CYP7B1: variants seen among roughly 807,000 people sequenced by gnomAD.
CYP7B1 encodes cytochrome P450 family 7 subfamily B member 1, also known as cytochrome P450 7B1.
Under a neutral mutation model 42.7 loss-of-function variants are expected in CYP7B1, and 29 were observed. The ratio of observed to expected loss-of-function variants is 0.68; its 90% CI spans 0.51 to 0.93. CYP7B1 has a LOEUF of 0.93. Ranked by LOEUF, CYP7B1 falls within the 40% of genes least tolerant of loss-of-function variation. The pLI is 0.00. For synonymous variants in CYP7B1, 235 were observed against 218.2 expected (o/e 1.08, Z -0.68); for missense variants, 655 against 600.5 (o/e 1.09, Z -0.95).
intron 1 of CYP7B1, among the ~76,000 whole-genome samples, chr8:64,746,864 T>C (rs561721539): frequency 6.6e-6 from 1 of 152,182 alleles, no homozygotes; most frequent in South Asian, 2.1e-4. Flanking sequence ...AACTACCTTC[T>C]GTGGAATGTA....
chr8:64,622,631 A>G (rs1484886689), intron 2 of CYP7B1, among the ~76,000 whole-genome samples: 2 of 152,182 alleles, frequency 1.3e-5, no homozygotes, highest in Non-Finnish European at 2.9e-5. Context: ...AAAAGAAGAA[A>G]AGTGGAAAGT....
chr8:64,694,726 A>C (rs1029727770), intron 1 of CYP7B1, among the ~76,000 whole-genome samples: 17 of 152,324 alleles, frequency 1.1e-4, no homozygotes, highest in Admixed American at 8.5e-4. Context: ...ATCCAAAAAA[A>C]TTGGAAGGAA....
chr8:64,662,921 G>C (rs1431334978), intron 1 of CYP7B1, among the ~76,000 whole-genome samples: 1 of 152,140 alleles, frequency 6.6e-6, no homozygotes, highest in East Asian at 1.9e-4. Context: ...CCTGACCTCT[G>C]ACAATCTATG....
At chr8:64,625,472 C>T (rs1031070208) in intron 1 of CYP7B1, among the ~76,000 whole-genome samples, 2 of 152,192 alleles carry the variant, frequency 1.3e-5, no homozygotes, top group Admixed American at 1.3e-4. Flanking sequence ...ATATAATTTA[C>T]TCTATGAAAT....
At chr8:64,766,189 G>A (rs551541076) in intron 1 of CYP7B1, among the ~76,000 whole-genome samples, 6 of 152,278 alleles carry the variant, frequency 3.9e-5, no homozygotes, top group African/African-American at 1.4e-4. Context: ...TAACTTGCGT[G>A]CTAGAAGGAC....
intron 1 of CYP7B1, among the ~76,000 whole-genome samples, chr8:64,704,638 T>C (rs192420829): frequency 3.3e-5 from 5 of 152,166 alleles, no homozygotes; most frequent in Admixed American, 1.3e-4. Context: ...AAGACTGCTC[T>C]AACATCAAAG....
chr8:64,684,843 T>C (rs2129632041), intron 1 of CYP7B1, among the ~76,000 whole-genome samples: 1 of 152,304 alleles, frequency 6.6e-6, no homozygotes, highest in Non-Finnish European at 1.5e-5. Flanking sequence ...TTGACATCAT[T>C]AGACATTTGG....
intron 1 of CYP7B1, among the ~76,000 whole-genome samples, chr8:64,737,841 C>A (rs1350719704): frequency 1.3e-5 from 2 of 152,142 alleles, no homozygotes; most frequent in Non-Finnish European, 2.9e-5. Flanking sequence ...TTGTGCATAG[C>A]CAACAGGTTA....
intron 1 of CYP7B1, among the ~76,000 whole-genome samples, chr8:64,756,824 C>A (rs893467857): frequency 3.3e-5 from 5 of 152,158 alleles, no homozygotes; most frequent in Admixed American, 6.5e-5. Context: ...TGTTTCTGAT[C>A]GCCAGAGAAA....
Position 64,596,381 on chromosome 8 carries a change from G to T in CYP7B1, c.*261C>A, listed in dbSNP as rs1805116435. 2.8e-6 allele frequency: 1 copy of T among 355,794 alleles called. No homozygotes were observed. Among genetic ancestry groups the T allele is most frequent in the Non-Finnish European group, 5.2e-6 (1 of 192,044 alleles). 22.0% of individuals were successfully genotyped at this position (355,794 alleles called of 1,614,324 possible). A position where few individuals can be genotyped will look rare whatever the true frequency, so the allele number is the denominator to read the frequency against. ...TATAACAGGTGAAAATCACAACAAG[G>T]AGAAACTAAAAAAACAACAACAACC... is the stretch of plus-strand genomic sequence containing the variant. On this transcript the variant is annotated 3_prime_UTR_variant, in exon 6 of 6. Coordinates refer to ENST00000310193, the MANE Select transcript of CYP7B1 (RefSeq NM_004820.5).
At chr8:64,753,559 A>G (rs574363858) in intron 1 of CYP7B1, among the ~76,000 whole-genome samples, 1 of 152,328 alleles carries the variant, frequency 6.6e-6, no homozygotes, top group South Asian at 2.1e-4. Flanking sequence ...ACGCAAAAGG[A>G]AGGAATACGT....
At chr8:64,743,999 C>G (rs1215144921) in intron 1 of CYP7B1, among the ~76,000 whole-genome samples, 1 of 152,146 alleles carries the variant, frequency 6.6e-6, no homozygotes, top group Non-Finnish European at 1.5e-5. Flanking sequence ...CAAAATATCA[C>G]TTACTAAAAC....
chr8:64,705,517 CAA>C (rs199664304), intron 1 of CYP7B1, among the ~76,000 whole-genome samples: 1 of 135,198 alleles, frequency 7.4e-6, no homozygotes, highest in African/African-American at 2.7e-5. Context: ...AAGTCCATGC[CAA>C]AAAAAAAAAA....
At chr8:64,656,146 T>C (rs1360940805) in intron 1 of CYP7B1, among the ~76,000 whole-genome samples, 1 of 152,134 alleles carries the variant, frequency 6.6e-6, no homozygotes, top group African/African-American at 2.4e-5. Flanking sequence ...CTTCACGTGT[T>C]TAGTTCCAAA....
chr8:64,737,738 G>C (rs990283567), intron 1 of CYP7B1, among the ~76,000 whole-genome samples: 14 of 152,126 alleles, frequency 9.2e-5, no homozygotes, highest in Non-Finnish European at 4.4e-5. Flanking sequence ...AGAATTTCAG[G>C]TTTGCTGACT....
At chr8:64,679,486 C>G (rs1410779121) in intron 1 of CYP7B1, among the ~76,000 whole-genome samples, 1 of 152,156 alleles carries the variant, frequency 6.6e-6, no homozygotes, top group Admixed American at 6.5e-5. Context: ...GCAAAAGGCT[C>G]AAGTCAGTAA....
chr8:64,735,900 C>T (rs1335836475), intron 1 of CYP7B1, among the ~76,000 whole-genome samples: 1 of 152,054 alleles, frequency 6.6e-6, no homozygotes. Context: ...TCTTCCCCTA[C>T]AATACTAATA....
chr8:64,691,290 TATC>T (rs1360450164), intron 1 of CYP7B1, among the ~76,000 whole-genome samples: 1 of 152,114 alleles, frequency 6.6e-6, no homozygotes, highest in African/African-American at 2.4e-5. Flanking sequence ...AGTGATCACT[TATC>T]AGCTCTTCCA....
rs919732051 is a variant in CYP7B1, at chr8:64,793,249, C to T, written c.122+5217G>A. 3.7e-4 allele frequency among the ~76,000 whole-genome samples: 57 copies of T among 152,134 alleles called. 1 individual carries two copies. The highest frequency in any genetic ancestry group is 1.5e-5 in the Non-Finnish European group (1 of 68,016). Reference sequence around the variant, plus strand: ...TCATATTTTCTGTAAATACTTTCCCCTCTTCATTATAAATCTTTTAATTCT... The same window carrying T: ...TCATATTTTCTGTAAATACTTTCCCTTCTTCATTATAAATCTTTTAATTCT... On this transcript the variant is annotated intron_variant, in intron 1 of 5. Coordinates refer to ENST00000310193, the MANE Select transcript of CYP7B1 (RefSeq NM_004820.5).
Sources: allele counts gnomAD v4.1 joint callset (sites outside exome capture counted in the v4.1 genomes callset), GRCh38; gene constraint gnomAD v4.1.1; transcripts MANE v1.5; gene names NCBI Gene and HGNC (gene_info 2026-07-23, HGNC 2026-07-21).